The following GPHN variants were observed in gnomAD, a reference collection of about 807,000 sequenced individuals.
GPHN encodes the protein gephyrin.
In GPHN, 17 loss-of-function variants were observed where a neutral mutation model predicts 95.5. The observed-to-expected ratio is 0.18, with a 90% CI of 0.12 to 0.27. The LOEUF is 0.27. Ranked by LOEUF, GPHN falls within the 10% of genes least tolerant of loss-of-function variation. The pLI is 1.00. For missense variants in GPHN, 660 were observed against 978.1 expected (o/e 0.67, Z 4.34); for synonymous variants, 320 against 322.5 (o/e 0.99, Z 0.08).
intron 3 of GPHN, among the ~76,000 whole-genome samples, chr14:66,807,027 A>C (rs2060571566): frequency 6.6e-6 from 1 of 152,218 alleles, no homozygotes. Context: ...TTACAAAAAC[A>C]TTAAAAAAAG....
intron 1 of GPHN, among the ~76,000 whole-genome samples, chr14:66,646,013 C>G (rs1322637889): frequency 1.3e-5 from 2 of 152,056 alleles, no homozygotes; most frequent in African/African-American, 4.8e-5. Context: ...GATTTGAAAA[C>G]CAACCAACCA....
chr14:66,801,666 T>C lies in GPHN; in HGVS notation c.202-22808T>C, dbSNP rs895966124. On this transcript the variant is annotated intron_variant, in intron 3 of 22. Transcript: ENST00000478722. ...CTCTCCTTGAGCTACCTGGAGCTGATGGTGGTGTAGCACAAGCACCCTTGT... is the reference window on the plus strand; with the variant it reads ...CTCTCCTTGAGCTACCTGGAGCTGACGGTGGTGTAGCACAAGCACCCTTGT... 2.2e-5 allele frequency among the ~76,000 whole-genome samples: 3 copies of C among 137,248 alleles called. No homozygotes were observed. The South Asian group carries it at 7.8e-4, about 36-fold the overall frequency. 90.0% of individuals were successfully genotyped at this position (137,248 alleles called of 152,430 possible).
rs565089327 is a variant in GPHN at position 66,632,770 on chromosome 14, T to C, written c.65-48337T>C. Among the ~76,000 whole-genome samples, 64 of 152,202 alleles carry C rather than the reference T, an allele frequency of 4.2e-4. No individual in the cohort carries two copies. In the East Asian group the frequency reaches 0.012, roughly 29 times the overall value. ...CCTACCAAAGTGCTGGAATTACAGG[T>C]GTGAGCCACCGCACCCGGCCCCTTA... is the stretch of plus-strand genomic sequence containing the variant. On this transcript the variant is annotated intron_variant, in intron 1 of 22. Transcript: ENST00000478722.
chr14:66,528,361 C>T (rs779936647), intron 1 of GPHN, among the ~76,000 whole-genome samples: 1 of 152,114 alleles, frequency 6.6e-6, no homozygotes, highest in African/African-American at 2.4e-5. Flanking sequence ...TGTGTCTTTG[C>T]ATGTGAGATG....
intron 2 of GPHN, among the ~76,000 whole-genome samples, chr14:66,769,696 T>G (rs1487780526): frequency 6.6e-6 from 1 of 152,182 alleles, no homozygotes. Flanking sequence ...ATGGTGTATA[T>G]GTATATGTAC....
chr14:67,651,674 G>C, the GPHN span: 1 of 444,276 alleles, frequency 2.3e-6, no homozygotes, highest in Non-Finnish European at 3.9e-6. Context: ...TCACAGAAAT[G>C]TTAAACTGAG....
In GPHN at chr14:66,681,880, C is replaced by T. The variant is rs140169532; in HGVS notation, c.143+695C>T. On this transcript the variant is annotated intron_variant, in intron 2 of 22. Transcript: ENST00000478722. ...AAATAATTAAAACTAGTTAAGCCTGCGAAGCAGAGTAAAGAAAATTGAATA... is the reference window on the plus strand; with the variant it reads ...AAATAATTAAAACTAGTTAAGCCTGTGAAGCAGAGTAAAGAAAATTGAATA... Among the ~76,000 whole-genome samples the T allele has an allele frequency of 3.0e-3, 458 of 152,080 alleles. 3 individuals are homozygous for T. The highest frequency in any genetic ancestry group is 0.011 in the African/African-American group (438 of 41,500).
the GPHN span, among the ~76,000 whole-genome samples, chr14:67,260,462 A>G: frequency 6.6e-6 from 1 of 152,240 alleles, no homozygotes; most frequent in African/African-American, 2.4e-5. Flanking sequence ...TGAGTTAACA[A>G]ACTTTGCCTC....
chr14:67,699,347 A>C, the GPHN span, among the ~76,000 whole-genome samples: 4 of 151,766 alleles, frequency 2.6e-5, no homozygotes, highest in African/African-American at 9.7e-5. Context: ...TTGAGCCCAG[A>C]AGTTCGAGAC....
At chr14:67,059,491 A>G (rs1422017352) in intron 11 of GPHN, among the ~76,000 whole-genome samples, 6 of 152,216 alleles carry the variant, frequency 3.9e-5, no homozygotes, top group Non-Finnish European at 7.3e-5. Context: ...CAGAAACAAC[A>G]CAACAGAATT....
At position 66,569,772 on chromosome 14, in the gene GPHN, G is replaced by T. The variant is rs565286872; in HGVS notation, c.64+61181G>T. Among the ~76,000 whole-genome samples, 13 of 152,120 alleles carry T rather than the reference G, an allele frequency of 8.5e-5. No homozygotes were observed. In the East Asian group the frequency reaches 2.3e-3, roughly 27 times the overall value. Reference sequence around the variant, plus strand: ...GAATGTCTAAATGGAGCTAATTAATGTATGCATTACCTCACATATTTATTT... The same window carrying T: ...GAATGTCTAAATGGAGCTAATTAATTTATGCATTACCTCACATATTTATTT... On this transcript the variant is annotated intron_variant, in intron 1 of 22. Transcript: ENST00000478722.
At chr14:66,833,027 A>G (rs2061639199) in intron 4 of GPHN, among the ~76,000 whole-genome samples, 1 of 152,184 alleles carries the variant, frequency 6.6e-6, no homozygotes, top group African/African-American at 2.4e-5. Flanking sequence ...CACTAGACCT[A>G]CATTATTTTA....
chr14:66,555,620 C>T (rs1348258572), intron 1 of GPHN, among the ~76,000 whole-genome samples: 2 of 151,294 alleles, frequency 1.3e-5, no homozygotes, highest in Admixed American at 6.6e-5. Context: ...AGCGATAAGA[C>T]AAAAAAAGAA....
chr14:67,319,773 A>G, the GPHN span, among the ~76,000 whole-genome samples: 26 of 152,340 alleles, frequency 1.7e-4, no homozygotes, highest in African/African-American at 4.3e-4. Context: ...TTTCTCTGAT[A>G]ACACTGGTTG....
At chr14:66,679,168 A>G (rs564578014) in intron 1 of GPHN, among the ~76,000 whole-genome samples, 9 of 152,380 alleles carry the variant, frequency 5.9e-5, no homozygotes, top group Admixed American at 3.3e-4. Flanking sequence ...TTGAGTTCAC[A>G]GGTGGCACAC....
At chr14:67,440,894 C>T in the GPHN span, among the ~76,000 whole-genome samples, 1 of 152,078 alleles carries the variant, frequency 6.6e-6, no homozygotes, top group African/African-American at 2.4e-5. Context: ...CAAGAGAAGG[C>T]AGGGAAAGAA....
intron 16 of GPHN, among the ~76,000 whole-genome samples, chr14:67,120,017 A>G (rs1394038316): frequency 6.6e-6 from 1 of 151,520 alleles, no homozygotes; most frequent in African/African-American, 2.4e-5. Context: ...GTAGTCCCAG[A>G]TAGGAAGCTG....
intron 1 of GPHN, among the ~76,000 whole-genome samples, chr14:66,654,386 C>CGG (rs1195213924): frequency 6.6e-6 from 1 of 152,132 alleles, no homozygotes; most frequent in Non-Finnish European, 1.5e-5. Context: ...TGAGCCACCA[C>CGG]GCCTGTTCTT....
chr14:67,217,028 T>C, the GPHN span, among the ~76,000 whole-genome samples: 1 of 152,226 alleles, frequency 6.6e-6, no homozygotes, highest in Non-Finnish European at 1.5e-5. Flanking sequence ...CCAGCTATTA[T>C]TGTATTGGGA....
Sources: allele counts gnomAD v4.1 joint callset (sites outside exome capture counted in the v4.1 genomes callset), GRCh38; gene constraint gnomAD v4.1.1; transcripts MANE v1.5; gene names NCBI Gene and HGNC (gene_info 2026-07-23, HGNC 2026-07-21).